Variants in CAPN5 observed in about 807,000 individuals in gnomAD.
CAPN5 encodes calpain 5.
A neutral mutation model predicts 73.0 loss-of-function variants in CAPN5; 54 were observed. The ratio of observed to expected loss-of-function variants is 0.74; its 90% CI spans 0.59 to 0.93. The LOEUF is 0.93. Ranked by LOEUF, CAPN5 falls within the 40% of genes least tolerant of loss-of-function variation. The pLI is 0.00. For synonymous variants in CAPN5, 335 were observed against 356.9 expected (o/e 0.94, Z 0.69); for missense variants, 785 against 882.9 (o/e 0.89, Z 1.41).
chr11:77,096,210 C>T (rs984147108), intron 3 of CAPN5, among the ~76,000 whole-genome samples: 4 of 152,138 alleles, frequency 2.6e-5, no homozygotes, highest in Admixed American at 6.5e-5. Flanking sequence ...GATTCTGAGC[C>T]TCAGACACAC....
chr11:77,087,043 AG>A (rs781851249), intron 2 of CAPN5, among the ~76,000 whole-genome samples: 2 of 152,150 alleles, frequency 1.3e-5, no homozygotes, highest in Non-Finnish European at 2.9e-5. Flanking sequence ...ATGTGGGGGC[AG>A]GTGACAGAGA....
chr11:77,070,850 C>T (rs1949897942), intron 1 of CAPN5, among the ~76,000 whole-genome samples: 1 of 152,118 alleles, frequency 6.6e-6, no homozygotes, highest in Non-Finnish European at 1.5e-5. Context: ...GCAACATTGC[C>T]CCAGTCTCTG....
chr11:77,116,832 G>C (rs1167940481), intron 7 of CAPN5, among the ~76,000 whole-genome samples: 1 of 152,246 alleles, frequency 6.6e-6, no homozygotes, highest in Non-Finnish European at 1.5e-5. Context: ...GTAGGCCTTG[G>C]TGGGCAAGGA....
At chr11:77,112,461 AG>A in intron 3 of CAPN5, 127 bp from the exon 4 acceptor site, 4 of 711,772 alleles carry the variant, frequency 5.6e-6, no homozygotes, top group Non-Finnish European at 7.3e-6. Flanking sequence ...GGCTTGTGGC[AG>A]AGTTGGAATC....
intron 2 of CAPN5, among the ~76,000 whole-genome samples, chr11:77,088,539 T>G (rs1429651812): frequency 6.6e-6 from 1 of 152,018 alleles, no homozygotes; most frequent in Admixed American, 6.5e-5. Flanking sequence ...GGGCAAGTCT[T>G]CTGCAGAGGG....
At position 77,116,175 on chromosome 11, in the gene CAPN5, G is replaced by A. The variant is rs782574047; in HGVS notation, c.894-51G>A. On this transcript the variant is annotated intron_variant, in intron 6 of 12. Coordinates refer to ENST00000648180, the MANE Select transcript of CAPN5 (RefSeq NM_004055.5). ...CGCCTTTGCCAGACAGATTCTGGTG[G>A]GGCTGCCTCTTAGACAGCTCCCTTT... 4 of 1,528,184 alleles carry A rather than the reference G, an allele frequency of 2.6e-6. No individual in the cohort carries two copies. In the South Asian group the frequency reaches 3.5e-5, roughly 14 times the overall value. 94.7% of individuals were successfully genotyped at this position (1,528,184 alleles called of 1,614,324 possible). A position where few individuals can be genotyped will look rare whatever the true frequency, so the allele number is the denominator to read the frequency against.
intron 2 of CAPN5, among the ~76,000 whole-genome samples, chr11:77,093,125 C>T (rs932126821): frequency 1.6e-4 from 25 of 152,232 alleles, no homozygotes; most frequent in African/African-American, 4.1e-4. Flanking sequence ...CCTTGGGTGG[C>T]GTGAAGACCT....
intron 1 of CAPN5, chr11:77,072,983 T>G: frequency 6.2e-6 from 5 of 803,312 alleles, no homozygotes; most frequent in Non-Finnish European, 9.0e-6. Context: ...CAAGTCCCAT[T>G]TTGTTAGGTT....
rs1224857873 is a variant in CAPN5 at position 77,084,901 on chromosome 11, G to GA, written c.17dup (p.Pro7AlafsTer3). 6.2e-7 allele frequency: 1 copy of GA among 1,614,000 alleles called. No homozygotes were observed. Among genetic ancestry groups the GA allele is most frequent in the Non-Finnish European group, 8.5e-7 (1 of 1,180,054 alleles). On this transcript the variant is annotated frameshift_variant, in exon 2 of 13. Transcript: ENST00000648180. LOFTEE classifies it high-confidence loss of function. Reference sequence around the variant, plus strand: ...CAGCAGCCACCATGTTCTCGTGTGTGAAGCCCTATGAGGACCAGAACTACT... The same window carrying GA: ...CAGCAGCCACCATGTTCTCGTGTGTGAAAGCCCTATGAGGACCAGAACTACT...
chr11:77,115,479 G>A lies in CAPN5; in HGVS notation c.784G>A (p.Val262Met), dbSNP rs1340971662. 6.2e-7 allele frequency: 1 copy of A among 1,613,296 alleles called. No homozygotes were observed. Among genetic ancestry groups the A allele is most frequent in the Non-Finnish European group, 8.5e-7 (1 of 1,179,962 alleles). The change falls in exon 6 of 13, where the codon GTG becomes ATG. Residue 262 changes from valine (V) to methionine (M), a missense_variant. By Grantham distance (21) the Val-to-Met change is conservative. Coordinates refer to ENST00000648180, the MANE Select transcript of CAPN5 (RefSeq NM_004055.5). ...HAYAVTDVRK[V>M]RLGHGLLAFF... is the part of the protein sequence containing the mutation. Reference sequence around the variant, plus strand: ...ATACGCCGTCACTGATGTGCGCAAGGTGCGCCTGGGCCACGGCCTACTGGC... The same window carrying A: ...ATACGCCGTCACTGATGTGCGCAAGATGCGCCTGGGCCACGGCCTACTGGC...
chr11:77,107,148 A>G (rs1950359622), intron 3 of CAPN5, among the ~76,000 whole-genome samples: 1 of 152,106 alleles, frequency 6.6e-6, no homozygotes, highest in Non-Finnish European at 1.5e-5. Flanking sequence ...GGTGCCCACC[A>G]CTTTCCTGCC....
intron 8 of CAPN5, among the ~76,000 whole-genome samples, chr11:77,118,696 G>A (rs535272140): frequency 6.6e-6 from 1 of 152,354 alleles, no homozygotes; most frequent in Middle Eastern, 3.4e-3. Context: ...TGGGAACTTG[G>A]CTGGGCTGGG....
intron 3 of CAPN5, among the ~76,000 whole-genome samples, chr11:77,105,128 C>T (rs1950330977): frequency 6.6e-6 from 1 of 151,702 alleles, no homozygotes; most frequent in Non-Finnish European, 1.5e-5. Context: ...GACTGCCTGT[C>T]TCCCCAGCCT....
chr11:77,088,008 C>T (rs782652092), intron 2 of CAPN5: 3 of 1,535,986 alleles, frequency 2.0e-6, no homozygotes, highest in Non-Finnish European at 2.6e-6. Context: ...GGAGAATGTC[C>T]CCAGGCCTGG....
intron 2 of CAPN5, among the ~76,000 whole-genome samples, chr11:77,088,488 G>T (rs1332238607): frequency 1.3e-5 from 2 of 152,120 alleles, no homozygotes; most frequent in African/African-American, 4.8e-5. Flanking sequence ...GCCTTGAAGG[G>T]TGCGGACTGC....
At position 77,112,630 on chromosome 11, in the gene CAPN5, G is replaced by A. The variant is rs778391408; in HGVS notation, c.339G>A (p.Lys113=). ...AGGAGCAGGAATGGGACCCCGAAAAGCCCAACGCCTACGCGGGCATCTTCC... is the reference window on the plus strand; with the variant it reads ...AGGAGCAGGAATGGGACCCCGAAAAACCCAACGCCTACGCGGGCATCTTCC... ...DWKEQEWDPE[K]PNAYAGIFHF... is the part of the protein sequence containing the mutation. The change falls in exon 4 of 13, where the codon AAG becomes AAA. Residue 113 remains lysine (K), a synonymous_variant. Transcript: ENST00000648180. 6.2e-7 allele frequency: 1 copy of A among 1,614,100 alleles called. No homozygotes were observed. Among genetic ancestry groups the A allele is most frequent in the Non-Finnish European group, 8.5e-7 (1 of 1,180,006 alleles).
Position 77,119,167 on chromosome 11 carries a change from G to C in CAPN5, c.1290+15G>C. 6.2e-7 allele frequency: 1 copy of C among 1,600,156 alleles called. No individual in the cohort carries two copies. Among genetic ancestry groups the C allele is most frequent in the Non-Finnish European group, 8.5e-7 (1 of 1,173,504 alleles). On this transcript the variant is annotated intron_variant, in intron 9 of 12. Transcript: ENST00000648180. Reference sequence around the variant, plus strand: ...ACATCTACAAGGTGAGGCCAGCCGGGTCCCCTGCCGTGGGTGGGGAGAGGG... The same window carrying C: ...ACATCTACAAGGTGAGGCCAGCCGGCTCCCCTGCCGTGGGTGGGGAGAGGG...
At position 77,073,229 on chromosome 11, in the gene CAPN5, A is replaced by G. The variant is rs1949929928; in HGVS notation, c.-36+6135A>G. 4.2e-6 allele frequency: 3 copies of G among 708,738 alleles called. No individual in the cohort carries two copies. In the South Asian group the frequency reaches 4.5e-5, roughly 11 times the overall value. The allele number at this position is 708,738 out of a possible 1,614,324, so 43.9% of individuals were successfully genotyped here. A position where few individuals can be genotyped will look rare whatever the true frequency, so the allele number is the denominator to read the frequency against. The stretch of plus-strand genomic sequence containing the variant: ...AAAACTGTGGTGAGCTGCTCACCCG[A>G]GGCTTGGCCTGGGGCTGCCCCCTGC... On this transcript the variant is annotated intron_variant, in intron 1 of 12. Transcript: ENST00000648180.
At chr11:77,101,152 A>T (rs1555038772) in intron 3 of CAPN5, among the ~76,000 whole-genome samples, 1 of 152,074 alleles carries the variant, frequency 6.6e-6, no homozygotes, top group Admixed American at 6.6e-5. Context: ...CATTCATTCG[A>T]TCATTCGTTC....
Sources: allele counts gnomAD v4.1 joint callset (sites outside exome capture counted in the v4.1 genomes callset), GRCh38; gene constraint gnomAD v4.1.1; transcripts MANE v1.5; gene names NCBI Gene and HGNC (gene_info 2026-07-23, HGNC 2026-07-21).